NLGN1: variants seen among roughly 807,000 people sequenced by gnomAD.
NLGN1 encodes the protein neuroligin-1.
In NLGN1, 12 loss-of-function variants were observed where a neutral mutation model predicts 65.5. The ratio of observed to expected loss-of-function variants is 0.18; its 90% CI spans 0.12 to 0.30. The LOEUF (loss-of-function observed/expected upper bound fraction) is 0.30, where lower values mean the gene tolerates loss of function less well. Ranked by LOEUF, NLGN1 falls within the 10% of genes least tolerant of loss-of-function variation. The pLI, the probability that NLGN1 is intolerant of heterozygous loss-of-function variation, is 1.00. For synonymous variants in NLGN1, 350 were observed against 359.5 expected, an observed-to-expected ratio of 0.97 and a Z score of 0.30; for missense variants, 750 against 1,007.1, an observed-to-expected ratio of 0.74 and a Z score of 3.46.
chr3:174,290,825 A>C (rs1400293178), downstream of NLGN1, among the ~76,000 whole-genome samples: 1 of 151,074 alleles, frequency 6.6e-6, no homozygotes, highest in African/African-American at 2.4e-5. Flanking sequence ...AGAGGACTGA[A>C]AAATATATAA....
intron 4 of NLGN1, among the ~76,000 whole-genome samples, chr3:174,178,890 A>G (rs1328016764): frequency 1.3e-5 from 2 of 152,160 alleles, no homozygotes; most frequent in Non-Finnish European, 2.9e-5. Context: ...TACTTTAAAG[A>G]GATAAGAATA....
At chr3:173,880,431 T>C (rs1732990846) in intron 4 of NLGN1, among the ~76,000 whole-genome samples, 1 of 151,452 alleles carries the variant, frequency 6.6e-6, no homozygotes, top group Non-Finnish European at 1.5e-5. Flanking sequence ...AGATATATTG[T>C]GTTTCAGTTC....
At chr3:174,207,276 G>A (rs1577358408) in intron 4 of NLGN1, among the ~76,000 whole-genome samples, 1 of 151,370 alleles carries the variant, frequency 6.6e-6, no homozygotes, top group Non-Finnish European at 1.5e-5. Context: ...CTTGGCTGGT[G>A]TACCGCTCTC....
At chr3:173,500,255 G>A (rs542420662) in intron 2 of NLGN1, among the ~76,000 whole-genome samples, 2 of 152,258 alleles carry the variant, frequency 1.3e-5, no homozygotes, top group South Asian at 4.1e-4. Context: ...AGAGTTTGTA[G>A]CATGAAAGGT....
At chr3:173,588,198 T>C (rs961147868) in intron 2 of NLGN1, among the ~76,000 whole-genome samples, 1 of 152,228 alleles carries the variant, frequency 6.6e-6, no homozygotes, top group Non-Finnish European at 1.5e-5. Context: ...CTAATGTTTT[T>C]ATTGCTTTTT....
chr3:173,801,601 G>GTATT (rs1355507497), intron 3 of NLGN1, among the ~76,000 whole-genome samples: 3 of 151,942 alleles, frequency 2.0e-5, no homozygotes, highest in Non-Finnish European at 4.4e-5. Flanking sequence ...CAGAGGTGGA[G>GTATT]TATTGAGAAC....
chr3:173,787,004 G>A (rs1006759030), intron 3 of NLGN1, among the ~76,000 whole-genome samples: 5 of 151,970 alleles, frequency 3.3e-5, no homozygotes, highest in African/African-American at 4.8e-5. Context: ...TTGAACCCGT[G>A]GGGCGGAGGT....
Position 174,272,357 on chromosome 3 carries a change from T to TGTCA in NLGN1, c.647-2957_647-2954dup, listed in dbSNP as rs536810858. 1.3e-4 allele frequency among the ~76,000 whole-genome samples: 20 copies of TGTCA among 151,904 alleles called. No individual in the cohort carries two copies. The East Asian group carries it at 3.9e-3, about 29-fold the overall frequency. ...CACTAGATAGCAAGGTATAGAATGC[T>TGTCA]GTCAATGTACATCACTTGAGTAATT... On this transcript the variant is annotated intron_variant, in intron 4 of 6. Transcript: ENST00000457714.
intron 3 of NLGN1, among the ~76,000 whole-genome samples, chr3:173,672,949 T>A (rs1762646301): frequency 6.6e-6 from 1 of 152,110 alleles, no homozygotes; most frequent in Admixed American, 6.5e-5. Context: ...TTAAGCCTTG[T>A]CAATAAACAA....
chr3:174,258,310 A>G (rs1746188407), intron 4 of NLGN1, among the ~76,000 whole-genome samples: 1 of 152,178 alleles, frequency 6.6e-6, no homozygotes, highest in Admixed American at 6.5e-5. Flanking sequence ...GGTATAAACA[A>G]ATGAATAAGT....
chr3:173,539,747 T>C (rs1738372739), intron 2 of NLGN1, among the ~76,000 whole-genome samples: 1 of 142,754 alleles, frequency 7.0e-6, no homozygotes, highest in East Asian at 2.0e-4. Flanking sequence ...TATATGTACA[T>C]ATATAACATA....
intron 1 of NLGN1, among the ~76,000 whole-genome samples, chr3:173,416,514 T>G (rs1186402984): frequency 1.3e-5 from 2 of 152,218 alleles, no homozygotes; most frequent in African/African-American, 4.8e-5. Flanking sequence ...ATATTTCTTT[T>G]GCTTTCTATT....
chr3:173,991,930 C>T (rs951440664), intron 4 of NLGN1, among the ~76,000 whole-genome samples: 1 of 151,982 alleles, frequency 6.6e-6, no homozygotes, highest in Non-Finnish European at 1.5e-5. Flanking sequence ...CTCGTTCTAG[C>T]AATTCTCCTG....
chr3:173,478,540 G>C (rs950923415), intron 2 of NLGN1, among the ~76,000 whole-genome samples: 11 of 152,140 alleles, frequency 7.2e-5, no homozygotes, highest in African/African-American at 2.7e-4. Context: ...ACACATGTAT[G>C]CTGCAACTTA....
intron 5 of NLGN1, among the ~76,000 whole-genome samples, chr3:174,278,040 T>G (rs1287817556): frequency 1.3e-5 from 2 of 151,992 alleles, no homozygotes; most frequent in Admixed American, 6.6e-5. Flanking sequence ...CTTAACTGCA[T>G]ATGGAACCAT....
intron 4 of NLGN1, among the ~76,000 whole-genome samples, chr3:174,246,586 T>C (rs73038900): frequency 0.027 from 4,105 of 152,246 alleles, 183 homozygotes; most frequent in African/African-American, 0.094. Context: ...ACCTGATTAA[T>C]TTTTCAATTT....
intron 3 of NLGN1, among the ~76,000 whole-genome samples, chr3:173,701,280 C>T (rs181031006): frequency 1.6e-4 from 25 of 152,226 alleles, no homozygotes; most frequent in African/African-American, 5.3e-4. Flanking sequence ...GATGTTATAG[C>T]GTATCTTCAA....
At chr3:174,006,588 A>G (rs1467082568) in intron 4 of NLGN1, among the ~76,000 whole-genome samples, 1 of 152,148 alleles carries the variant, frequency 6.6e-6, no homozygotes, top group Non-Finnish European at 1.5e-5. Context: ...GTCGCCAACC[A>G]ACCTATATTT....
At chr3:174,258,170 A>C (rs892260706) in intron 4 of NLGN1, among the ~76,000 whole-genome samples, 3 of 152,104 alleles carry the variant, frequency 2.0e-5, no homozygotes, top group Non-Finnish European at 4.4e-5. Context: ...TAATGGGTAC[A>C]TGTCAAAATG....
Sources: gnomAD v4.1 joint callset for allele counts (sites outside exome capture counted in the v4.1 genomes callset) on GRCh38, gnomAD v4.1.1 for gene constraint, MANE v1.5 for transcripts, NCBI Gene and HGNC (gene_info 2026-07-23, HGNC 2026-07-21) for gene names.